Variants in PPP1R12A observed in about 807,000 individuals in gnomAD.
PPP1R12A encodes the protein protein phosphatase 1 regulatory subunit 12A.
A neutral mutation model predicts 139.6 loss-of-function variants in PPP1R12A; 19 were observed. That is an observed-to-expected ratio of 0.14 (90% CI 0.09 to 0.20). The LOEUF is 0.20. PPP1R12A is among the 10% of genes least tolerant of loss of function. The probability of loss-of-function intolerance (pLI) is 1.00; values close to 1 mark genes in which losing one functional copy is unlikely to be tolerated. For synonymous variants in PPP1R12A, 427 were observed against 420.6 expected (o/e 1.02, Z -0.19); for missense variants, 925 against 1,211.5 (o/e 0.76, Z 3.51).
chr12:79,843,306 T>G (rs1878972600), intron 3 of PPP1R12A, among the ~76,000 whole-genome samples: 1 of 152,140 alleles, frequency 6.6e-6, no homozygotes, highest in African/African-American at 2.4e-5. Flanking sequence ...CTGGGAGTGC[T>G]GGCTCATGCC....
chr12:79,904,702 A>G (rs924598807), intron 1 of PPP1R12A, among the ~76,000 whole-genome samples: 2 of 152,130 alleles, frequency 1.3e-5, no homozygotes, highest in African/African-American at 4.8e-5. Flanking sequence ...TTATTAAGCA[A>G]TTGGCTGCTT....
At chr12:79,906,366 C>A (rs1886112793) in intron 1 of PPP1R12A, among the ~76,000 whole-genome samples, 1 of 151,948 alleles carries the variant, frequency 6.6e-6, no homozygotes, top group African/African-American at 2.4e-5. Flanking sequence ...CACACAAACA[C>A]ATAAAAATTA....
chr12:79,860,413 A>G (rs1881187569), intron 2 of PPP1R12A, among the ~76,000 whole-genome samples: 1 of 152,188 alleles, frequency 6.6e-6, no homozygotes, highest in African/African-American at 2.4e-5. Context: ...ACTATAATGA[A>G]TACTACACAG....
At position 79,774,967 on chromosome 12, in the gene PPP1R12A, A is replaced by T. The variant is rs1184601723; in HGVS notation, c.*962T>A. 1.2e-4 allele frequency: 19 copies of T among 152,486 alleles called. No individual in the cohort carries two copies. The highest frequency in any genetic ancestry group is 2.5e-4 in the Non-Finnish European group (17 of 67,972). 9.4% of individuals were successfully genotyped at this position (152,486 alleles called of 1,614,324 possible). ...AATGTGTAACTTTTAAAGTCTTTAT[A>T]TCACATTGTTAGCAAATTTTGTTTT... On this transcript the variant is annotated 3_prime_UTR_variant, in exon 25 of 25. Coordinates refer to ENST00000450142, the MANE Select transcript of PPP1R12A (RefSeq NM_002480.3).
At chr12:79,801,399 G>C (rs1365838348) in intron 14 of PPP1R12A, among the ~76,000 whole-genome samples, 1 of 46,052 alleles carries the variant, frequency 2.2e-5, no homozygotes, top group Non-Finnish European at 5.2e-5. Flanking sequence ...TCTTTCTTTT[G>C]TTAGCTTTAA....
chr12:79,818,367 G>T (rs745483539), intron 8 of PPP1R12A, among the ~76,000 whole-genome samples: 1 of 152,020 alleles, frequency 6.6e-6, no homozygotes. Flanking sequence ...TCAGCCTCTT[G>T]AGTAGCTGGG....
intron 4 of PPP1R12A, among the ~76,000 whole-genome samples, chr12:79,830,962 A>T (rs1382661425): frequency 6.6e-6 from 1 of 152,176 alleles, no homozygotes; most frequent in African/African-American, 2.4e-5. Context: ...TTTAAAATTT[A>T]TCCTGATCCC....
At chr12:79,793,065 G>A (rs891354039) in intron 19 of PPP1R12A, among the ~76,000 whole-genome samples, 2 of 152,132 alleles carry the variant, frequency 1.3e-5, no homozygotes, top group Admixed American at 1.3e-4. Flanking sequence ...GCTCTATTAA[G>A]GAACTTCAAC....
At chr12:79,871,517 A>G (rs7972050) in intron 2 of PPP1R12A, among the ~76,000 whole-genome samples, 121,844 of 152,094 alleles carry the variant, frequency 0.8, 50,741 homozygotes, top group Non-Finnish European at 0.92. Flanking sequence ...GCAGTTAATC[A>G]TCACAACAAA....
chr12:79,832,343 C>T lies in PPP1R12A; in HGVS notation c.636G>A (p.Thr212=), dbSNP rs770369711. The stretch of plus-strand genomic sequence containing the variant: ...AAAACAATACTTACTTTAAAACTTC[C>T]GTATAGCCTTTAGCAGCTGCAACGT... The part of the protein sequence containing the change: ...ALHVAAAKGY[T]EVLKLLIQAG... The change falls in exon 4 of 25, where the codon ACG becomes ACA. Residue 212 remains threonine (T), a synonymous_variant. Coordinates refer to ENST00000450142, the MANE Select transcript of PPP1R12A (RefSeq NM_002480.3). 36 of 1,603,690 alleles carry T rather than the reference C, an allele frequency of 2.2e-5. No homozygotes were observed. In the South Asian group the frequency reaches 2.3e-4, roughly 10 times the overall value.
intron 19 of PPP1R12A, among the ~76,000 whole-genome samples, chr12:79,790,840 T>C (rs1871755324): frequency 6.6e-6 from 1 of 152,200 alleles, no homozygotes; most frequent in Non-Finnish European, 1.5e-5. Context: ...AGCCTTTTCT[T>C]TTTCTATTGA....
At chr12:79,895,988 T>C (rs1885093779) in intron 1 of PPP1R12A, among the ~76,000 whole-genome samples, 3 of 112,878 alleles carry the variant, frequency 2.7e-5, no homozygotes, top group Non-Finnish European at 6.2e-5. Context: ...AAAGAAATGG[T>C]GAAGGTTAAA....
At position 79,851,534 on chromosome 12, in the gene PPP1R12A, G is replaced by T. The variant is rs113940246; in HGVS notation, c.369-6114C>A. Among the ~76,000 whole-genome samples, 1,388 of 152,026 alleles carry T rather than the reference G, an allele frequency of 9.1e-3. 20 individuals are homozygous for T. Among genetic ancestry groups the T allele is most frequent in the African/African-American group, 0.031 (1,282 of 41,462 alleles). On this transcript the variant is annotated intron_variant, in intron 2 of 24. Coordinates refer to ENST00000450142, the MANE Select transcript of PPP1R12A (RefSeq NM_002480.3). ...ATTCAAACTATTTATCCCCCCTCTGGTATAGTTTCTAATTTCTTTCAAGAT... is the reference window on the plus strand; with the variant it reads ...ATTCAAACTATTTATCCCCCCTCTGTTATAGTTTCTAATTTCTTTCAAGAT...
chr12:79,786,630 G>C, intron 21 of PPP1R12A, 152 bp from the exon 22 acceptor site: 1 of 506,536 alleles, frequency 2.0e-6, no homozygotes, highest in African/African-American at 2.0e-5. Flanking sequence ...TTGCAAAGCA[G>C]AGACTGTTCG....
chr12:79,842,138 A>T (rs1878792070), intron 3 of PPP1R12A, among the ~76,000 whole-genome samples: 1 of 152,106 alleles, frequency 6.6e-6, no homozygotes, highest in Admixed American at 6.6e-5. Context: ...TGACCAACAC[A>T]GTAAAACTGC....
At chr12:79,902,804 C>G (rs756754961) in intron 1 of PPP1R12A, among the ~76,000 whole-genome samples, 2 of 151,982 alleles carry the variant, frequency 1.3e-5, no homozygotes, top group Non-Finnish European at 2.9e-5. Context: ...TTTTGAGCAC[C>G]AACATGATGC....
At chr12:79,801,140 G>A (rs981121077) in intron 14 of PPP1R12A, among the ~76,000 whole-genome samples, 20 of 151,354 alleles carry the variant, frequency 1.3e-4, no homozygotes, top group African/African-American at 4.8e-4. Context: ...GAGGTCAGGA[G>A]TTTGAGACCA....
chr12:79,888,270 G>C (rs756986304), intron 1 of PPP1R12A, among the ~76,000 whole-genome samples: 9 of 152,084 alleles, frequency 5.9e-5, no homozygotes, highest in South Asian at 2.1e-4. Flanking sequence ...TTGGGGGAGA[G>C]GAGAAATCAA....
At chr12:79,933,274 T>C (rs890106965) in intron 1 of PPP1R12A, among the ~76,000 whole-genome samples, 5 of 152,252 alleles carry the variant, frequency 3.3e-5, no homozygotes, top group Non-Finnish European at 7.3e-5. Flanking sequence ...TCCAGTCAAC[T>C]TTGTAAACAA....
Sources: allele counts gnomAD v4.1 joint callset (sites outside exome capture counted in the v4.1 genomes callset), GRCh38; gene constraint gnomAD v4.1.1; transcripts MANE v1.5; gene names NCBI Gene and HGNC (gene_info 2026-07-23, HGNC 2026-07-21).